Variants in IL1RAPL1 observed in about 807,000 individuals in gnomAD.
The protein encoded by IL1RAPL1 is interleukin-1 receptor accessory protein-like 1.
Under a neutral mutation model 48.4 loss-of-function variants are expected in IL1RAPL1, and 3 were observed. That is an observed-to-expected ratio of 0.06 (90% confidence interval 0.03 to 0.16). The LOEUF (loss-of-function observed/expected upper bound fraction) is 0.16. Among genes scored for constraint, IL1RAPL1 ranks in the 10% least tolerant of loss-of-function variants. IL1RAPL1 has a pLI of 1.00. For missense variants in IL1RAPL1, 349 were observed against 530.6 expected (o/e 0.66, Z 3.36); for synonymous variants, 185 against 187.7 (o/e 0.99, Z 0.12).
chrX:29,589,427 A>T (rs754651984), intron 5 of IL1RAPL1, among the ~76,000 whole-genome samples: 27 of 110,711 alleles, frequency 2.4e-4, no homozygotes, highest in Non-Finnish European at 4.3e-4. Flanking sequence ...TTAGATTATC[A>T]TATTTTCCAT....
chrX:29,787,172 T>C (rs751408896), intron 6 of IL1RAPL1, among the ~76,000 whole-genome samples: 11 of 111,319 alleles, frequency 9.9e-5, no homozygotes, highest in Non-Finnish European at 1.9e-5. Context: ...TTTGTTCTTA[T>C]AGCTGGGGAA....
chrX:29,119,570 A>G (rs1161794581), intron 2 of IL1RAPL1, among the ~76,000 whole-genome samples: 1 of 111,976 alleles, frequency 8.9e-6, no homozygotes, highest in Non-Finnish European at 1.9e-5. Context: ...AGATTGATGG[A>G]TACAAAGAAT....
intron 2 of IL1RAPL1, among the ~76,000 whole-genome samples, chrX:28,870,410 C>T (rs1191758454): frequency 1.8e-5 from 2 of 111,289 alleles, no homozygotes; most frequent in Non-Finnish European, 3.8e-5. Flanking sequence ...GTTTATTGTA[C>T]CATAACAGGT....
At chrX:29,161,848 C>T (rs1021776450) in intron 2 of IL1RAPL1, among the ~76,000 whole-genome samples, 1 of 111,991 alleles carries the variant, frequency 8.9e-6, no homozygotes, top group African/African-American at 3.2e-5. Flanking sequence ...ACAGCAATCC[C>T]ATTACTGGGT....
intron 5 of IL1RAPL1, among the ~76,000 whole-genome samples, chrX:29,640,976 G>A (rs770886557): frequency 9.3e-6 from 1 of 107,650 alleles, no homozygotes; most frequent in African/African-American, 3.5e-5. Flanking sequence ...ATGAGCCTGG[G>A]TCACAAAGTG....
At chrX:28,754,678 G>A (rs747317483) in intron 1 of IL1RAPL1, among the ~76,000 whole-genome samples, 1 of 112,023 alleles carries the variant, frequency 8.9e-6, no homozygotes, top group East Asian at 2.8e-4. Flanking sequence ...TCTTACCAGT[G>A]TATGTAAGTG....
intron 3 of IL1RAPL1, among the ~76,000 whole-genome samples, chrX:29,357,151 G>A (rs1933316271): frequency 9.0e-6 from 1 of 111,529 alleles, no homozygotes; most frequent in African/African-American, 3.3e-5. Context: ...ATACTGCTAG[G>A]ATTTAGAATT....
chrX:29,032,862 C>G (rs1426640377), intron 2 of IL1RAPL1, among the ~76,000 whole-genome samples: 3 of 112,448 alleles, frequency 2.7e-5, no homozygotes, highest in African/African-American at 9.7e-5. Flanking sequence ...GCAAGTTACC[C>G]TTTCTTGATT....
chrX:29,541,932 T>A (rs778149774), intron 5 of IL1RAPL1, among the ~76,000 whole-genome samples: 1 of 110,537 alleles, frequency 9.0e-6, no homozygotes, highest in African/African-American at 3.3e-5. Flanking sequence ...AACATAAAAG[T>A]TGAAAAAAAT....
intron 2 of IL1RAPL1, among the ~76,000 whole-genome samples, chrX:29,184,990 G>T (rs1930223154): frequency 8.9e-6 from 1 of 112,135 alleles, no homozygotes; most frequent in Non-Finnish European, 1.9e-5. Context: ...GTACTGTGTT[G>T]TTCCTAAAGC....
At chrX:29,082,268 A>G (rs1391365220) in intron 2 of IL1RAPL1, among the ~76,000 whole-genome samples, 1 of 112,432 alleles carries the variant, frequency 8.9e-6, no homozygotes, top group Non-Finnish European at 1.9e-5. Context: ...AAATAATGGT[A>G]TAACCATTAG....
intron 5 of IL1RAPL1, among the ~76,000 whole-genome samples, chrX:29,434,147 TTC>T (rs1279469434): frequency 3.6e-5 from 4 of 110,377 alleles, no homozygotes; most frequent in Non-Finnish European, 5.7e-5. Flanking sequence ...TCATAAATAA[TTC>T]TCTTTTATTT....
At chrX:29,148,643 C>T (rs1176073212) in intron 2 of IL1RAPL1, among the ~76,000 whole-genome samples, 1 of 111,780 alleles carries the variant, frequency 8.9e-6, no homozygotes, top group Non-Finnish European at 1.9e-5. Flanking sequence ...ACCTTCTTTA[C>T]TTGGCAACAA....
At chrX:29,248,290 G>A (rs143102435) in intron 2 of IL1RAPL1, among the ~76,000 whole-genome samples, 10 of 110,994 alleles carry the variant, frequency 9.0e-5, no homozygotes, top group African/African-American at 3.0e-4. Context: ...GGTGGCACAC[G>A]CCTGTAGTCC....
chrX:29,379,440 G>T, intron 3 of IL1RAPL1, among the ~76,000 whole-genome samples: 1 of 112,010 alleles, frequency 8.9e-6, no homozygotes, highest in Admixed American at 9.4e-5. Flanking sequence ...CCTACCTAAG[G>T]CCATGCCCTA....
At chrX:29,704,865 GT>G (rs1017113620) in intron 6 of IL1RAPL1, among the ~76,000 whole-genome samples, 1 of 110,780 alleles carries the variant, frequency 9.0e-6, no homozygotes, top group Admixed American at 9.6e-5. Flanking sequence ...CTTAATTGCA[GT>G]TAAACCTTAT....
chrX:28,899,622 A>G (rs1166523843), intron 2 of IL1RAPL1, among the ~76,000 whole-genome samples: 1 of 112,248 alleles, frequency 8.9e-6, no homozygotes, highest in Non-Finnish European at 1.9e-5. Context: ...CCAAGATCAC[A>G]TCCCATTAGG....
In IL1RAPL1 at chrX:29,854,895, G is replaced by GCACACA. The variant is rs202098400; in HGVS notation, c.779-62550_779-62545dup. The stretch of plus-strand genomic sequence containing the variant: ...AGTTCAAAACCAGCCTGACCAAATA[G>GCACACA]CACACACACACACACACACACACAA... On this transcript the variant is annotated intron_variant, in intron 6 of 10. Transcript: ENST00000378993. Among the ~76,000 whole-genome samples the GCACACA allele has an allele frequency of 2.3e-3, 239 of 105,356 alleles. 1 individual carries two copies. Among genetic ancestry groups the GCACACA allele is most frequent in the African/African-American group, 7.8e-3 (226 of 28,875 alleles). 91.5% of individuals were successfully genotyped at this position (105,356 alleles called of 115,157 possible).
chrX:29,494,291 A>C (rs746187138), intron 5 of IL1RAPL1, among the ~76,000 whole-genome samples: 16 of 111,799 alleles, frequency 1.4e-4, no homozygotes, highest in African/African-American at 4.6e-4. Context: ...GTTGCTGTAA[A>C]GGATATGATT....
Sources: gnomAD v4.1 joint callset for allele counts (sites outside exome capture counted in the v4.1 genomes callset) on GRCh38, gnomAD v4.1.1 for gene constraint, MANE v1.5 for transcripts, NCBI Gene and HGNC (gene_info 2026-07-23, HGNC 2026-07-21) for gene names.